PHACTR1: variants seen among roughly 807,000 people sequenced by gnomAD.
PHACTR1 encodes RPEL repeat containing 1.
A neutral mutation model predicts 69.2 loss-of-function variants in PHACTR1; 16 were observed. The ratio of observed to expected loss-of-function variants is 0.23; its 90% CI spans 0.16 to 0.35. The LOEUF is 0.35. PHACTR1 is among the 10% of genes least tolerant of loss of function. PHACTR1 has a pLI of 1.00. For missense variants in PHACTR1, 510 were observed against 734.7 expected, an observed-to-expected ratio of 0.69 and a Z score of 3.54; for synonymous variants, 312 against 284.5, an observed-to-expected ratio of 1.10 and a Z score of -0.97.
chr6:13,281,161 C>A, intron 12 of PHACTR1: 1 of 1,267,324 alleles, frequency 7.9e-7, no homozygotes, highest in Non-Finnish European at 1.0e-6. Flanking sequence ...CAGACTCTGC[C>A]ATAGATAGGA....
At chr6:12,900,637 G>A (rs946032006) in intron 4 of PHACTR1, among the ~76,000 whole-genome samples, 9 of 152,208 alleles carry the variant, frequency 5.9e-5, no homozygotes, top group Admixed American at 1.3e-4. Context: ...GGTAGAGGCT[G>A]CAGTGAGCAG....
chr6:12,961,175 A>C (rs1440911236), intron 4 of PHACTR1, among the ~76,000 whole-genome samples: 2 of 152,220 alleles, frequency 1.3e-5, no homozygotes, highest in Non-Finnish European at 2.9e-5. Flanking sequence ...GGCAGAGTGA[A>C]AAATAGTGTA....
At chr6:12,810,272 C>T (rs1447647385) in intron 4 of PHACTR1, among the ~76,000 whole-genome samples, 1 of 152,186 alleles carries the variant, frequency 6.6e-6, no homozygotes, top group African/African-American at 2.4e-5. Flanking sequence ...CAAAATTGCT[C>T]CTGGCTTCAT....
chr6:13,187,851 G>A (rs1763016528), intron 7 of PHACTR1, among the ~76,000 whole-genome samples: 1 of 151,656 alleles, frequency 6.6e-6, no homozygotes, highest in Non-Finnish European at 1.5e-5. Flanking sequence ...TGAGAAGAGA[G>A]AGAGCAAACC....
intron 4 of PHACTR1, among the ~76,000 whole-genome samples, chr6:13,007,391 G>A (rs1164462224): frequency 6.6e-6 from 1 of 152,068 alleles, no homozygotes; most frequent in Non-Finnish European, 1.5e-5. Context: ...GAATACTTTG[G>A]AACAACTAGA....
In PHACTR1 at chr6:13,173,873, AATTTTTTGT is replaced by A. The variant is rs1760958625; in HGVS notation, c.497-8635_497-8627del. ...CAGGCATGCGCCACAACGCCCGGCTAATTTTTTGTATTTTTTGTAGAGACGGGTTTTCAC... is the reference window on the plus strand; with the variant it reads ...CAGGCATGCGCCACAACGCCCGGCTAATTTTTTGTAGAGACGGGTTTTCAC... On this transcript the variant is annotated intron_variant, in intron 6 of 14. Coordinates refer to ENST00000332995, the MANE Select transcript of PHACTR1 (RefSeq NM_030948.6). 3.3e-5 allele frequency among the ~76,000 whole-genome samples: 5 copies of A among 152,186 alleles called. No individual in the cohort carries two copies. In the South Asian group the frequency reaches 1.0e-3, roughly 32 times the overall value.
chr6:13,018,527 A>AC (rs1245275747), intron 4 of PHACTR1, among the ~76,000 whole-genome samples: 1 of 151,650 alleles, frequency 6.6e-6, no homozygotes, highest in Non-Finnish European at 1.5e-5. Context: ...TTGTATTGTT[A>AC]CCCCCCAAGT....
intron 5 of PHACTR1, among the ~76,000 whole-genome samples, chr6:13,058,860 G>A (rs1343738588): frequency 6.6e-6 from 1 of 152,150 alleles, no homozygotes; most frequent in Non-Finnish European, 1.5e-5. Context: ...GTGTCGTGCG[G>A]GTTGAGGCTG....
intron 4 of PHACTR1, among the ~76,000 whole-genome samples, chr6:12,764,794 T>C (rs367993137): frequency 1.3e-5 from 2 of 152,092 alleles, no homozygotes; most frequent in African/African-American, 4.8e-5. Flanking sequence ...TCTATCATCA[T>C]GCATAGAAGG....
At chr6:12,819,630 G>A (rs1310401270) in intron 4 of PHACTR1, among the ~76,000 whole-genome samples, 2 of 152,112 alleles carry the variant, frequency 1.3e-5, no homozygotes, top group Non-Finnish European at 2.9e-5. Flanking sequence ...TTGTTCTGAT[G>A]ACCAAATGAA....
At position 12,716,809 on chromosome 6, in the gene PHACTR1, T is replaced by C. The variant is rs1398390365; in HGVS notation, c.-369T>C. 3 of 152,332 alleles carry C rather than the reference T, an allele frequency of 2.0e-5. No homozygotes were observed. Among genetic ancestry groups the C allele is most frequent in the Middle Eastern group, 6.8e-3 (2 of 294 alleles). The allele number at this position is 152,332 out of a possible 1,614,324, so 9.4% of individuals were successfully genotyped here. A position where few individuals can be genotyped will look rare whatever the true frequency, so the allele number is the denominator to read the frequency against. On this transcript the variant is annotated 5_prime_UTR_variant, in exon 1 of 15. Transcript: ENST00000332995. Reference sequence around the variant, plus strand: ...CGAGATTGAAGGGAAAATTAGAAGCTGTTCATTTGTGCTTGCGGGCTCAGA... The same window carrying C: ...CGAGATTGAAGGGAAAATTAGAAGCCGTTCATTTGTGCTTGCGGGCTCAGA...
chr6:13,004,206 T>C (rs1475226888), intron 4 of PHACTR1, among the ~76,000 whole-genome samples: 1 of 151,804 alleles, frequency 6.6e-6, no homozygotes, highest in East Asian at 1.9e-4. Flanking sequence ...CTGTTTTCCA[T>C]AGAGGTTGTA....
intron 4 of PHACTR1, among the ~76,000 whole-genome samples, chr6:12,765,893 A>T (rs1026400152): frequency 9.2e-5 from 14 of 152,242 alleles, no homozygotes; most frequent in Non-Finnish European, 2.1e-4. Flanking sequence ...AAAATTTAAC[A>T]TGCAATTCTT....
At chr6:13,174,069 C>A (rs185594476) in intron 6 of PHACTR1, among the ~76,000 whole-genome samples, 1 of 151,814 alleles carries the variant, frequency 6.6e-6, no homozygotes, top group Non-Finnish European at 1.5e-5. Flanking sequence ...ATATCAATGT[C>A]AAAAAAGTAC....
At chr6:12,990,204 C>G (rs759421019) in intron 4 of PHACTR1, among the ~76,000 whole-genome samples, 3 of 152,212 alleles carry the variant, frequency 2.0e-5, no homozygotes, top group Non-Finnish European at 4.4e-5. Flanking sequence ...TGGGCCCAGA[C>G]CAGACCTGTG....
chr6:12,959,445 A>G (rs1195305698), intron 4 of PHACTR1, among the ~76,000 whole-genome samples: 4 of 152,196 alleles, frequency 2.6e-5, no homozygotes, highest in African/African-American at 9.7e-5. Flanking sequence ...CAACAAAGCT[A>G]AAAAAGCATA....
intron 3 of PHACTR1, among the ~76,000 whole-genome samples, chr6:12,728,154 AT>A (rs1763037062): frequency 6.6e-6 from 1 of 152,028 alleles, no homozygotes; most frequent in Admixed American, 6.6e-5. Flanking sequence ...TCTACAAAAA[AT>A]ATATATATTT....
At chr6:13,048,522 T>TTGTGTGTGTGTGTGTGTGTGTGTG (rs70989824) in intron 4 of PHACTR1, among the ~76,000 whole-genome samples, 134 of 142,982 alleles carry the variant, frequency 9.4e-4, no homozygotes, top group African/African-American at 3.2e-3. Flanking sequence ...TTCCATTTCT[T>TTGTGTGTGTGTGTGTGTGTGTGTG]TGTGTGTGTG....
At chr6:12,841,794 A>G (rs1009933486) in intron 4 of PHACTR1, among the ~76,000 whole-genome samples, 4 of 152,314 alleles carry the variant, frequency 2.6e-5, no homozygotes, top group Non-Finnish European at 4.4e-5. Context: ...AATCATTCTG[A>G]TAATTATCCT....
Sources: gnomAD v4.1 joint callset for allele counts (sites outside exome capture counted in the v4.1 genomes callset) on GRCh38, gnomAD v4.1.1 for gene constraint, MANE v1.5 for transcripts, NCBI Gene and HGNC (gene_info 2026-07-23, HGNC 2026-07-21) for gene names.